The following NDUFV2 variants were observed in gnomAD, a reference collection of about 807,000 sequenced individuals.
NDUFV2 encodes the protein NADH:ubiquinone oxidoreductase core subunit V2.
Under a neutral mutation model 31.6 loss-of-function variants are expected in NDUFV2, and 18 were observed. The ratio of observed to expected loss-of-function variants is 0.57; its 90% CI spans 0.39 to 0.84. The LOEUF is 0.84. NDUFV2 is among the 40% of genes least tolerant of loss of function. The pLI is 0.00. For missense variants in NDUFV2, 314 were observed against 303.6 expected, an observed-to-expected ratio of 1.03 and a Z score of -0.26; for synonymous variants, 83 against 99.8, an observed-to-expected ratio of 0.83 and a Z score of 1.01.
intron 5 of NDUFV2, among the ~76,000 whole-genome samples, 160 bp downstream of exon 5, chr18:9,122,841 C>G (rs2077950355): frequency 6.6e-6 from 1 of 152,058 alleles, no homozygotes; most frequent in Admixed American, 6.5e-5. Context: ...TTATTTCTTC[C>G]TATTTGGTAT....
intron 5 of NDUFV2, among the ~76,000 whole-genome samples, chr18:9,123,822 T>G (rs1245288071): frequency 6.6e-6 from 1 of 152,224 alleles, no homozygotes; most frequent in Non-Finnish European, 1.5e-5. Flanking sequence ...ACAGTTACTT[T>G]GATGTACACA....
chr18:9,132,405 T>C (rs1853497950), intron 7 of NDUFV2: 1 of 152,198 alleles, frequency 6.6e-6, no homozygotes. Context: ...ACGTCTAAAA[T>C]GAAACTTTTA....
rs1173094323 is a variant in NDUFV2 at position 9,122,568 on chromosome 18, A to C, written c.356A>C (p.Tyr119Ser). 4 of 1,613,938 alleles carry C rather than the reference A, an allele frequency of 2.5e-6. No homozygotes were observed. The highest frequency in any genetic ancestry group is 3.4e-6 in the Non-Finnish European group (4 of 1,179,946). ...AGAGTATATGAAGTAGCAACTTTTT[A>C]TACAATGTATAATCGAAAGCCAGTT... ...PMRVYEVATF[Y>S]TMYNRKPVGK... The change falls in exon 5 of 8, where the codon TAT (tyrosine) becomes TCT (serine). Residue 119 changes from tyrosine (Y) to serine (S), a missense_variant. By Grantham distance (144) the Tyr-to-Ser change is moderately radical (BLOSUM62 -2). Transcript: ENST00000318388.
chr18:9,103,187 T>A (rs932825067), intron 1 of NDUFV2: 8 of 400,366 alleles, frequency 2.0e-5, no homozygotes, highest in Non-Finnish European at 1.3e-5. Context: ...TCGATGCTTT[T>A]AGGTTGCAGC....
intron 4 of NDUFV2, among the ~76,000 whole-genome samples, chr18:9,120,761 T>G (rs2077929324): frequency 6.6e-6 from 1 of 152,188 alleles, no homozygotes. Context: ...ATAAATTATG[T>G]ATTTCTTGGG....
intron 6 of NDUFV2, among the ~76,000 whole-genome samples, chr18:9,126,434 A>G (rs971206209): frequency 6.6e-6 from 1 of 152,234 alleles, no homozygotes; most frequent in Non-Finnish European, 1.5e-5. Context: ...AGTAAGTGAT[A>G]GAGCCAGAAC....
chr18:9,117,593 T>G (rs1053378949), intron 1 of NDUFV2: 17 of 449,510 alleles, frequency 3.8e-5, no homozygotes, highest in Non-Finnish European at 6.5e-5. Flanking sequence ...AGTCAGCAGA[T>G]CTGGGTTGTC....
At chr18:9,126,932 G>GT in intron 7 of NDUFV2, 25 bp downstream of exon 7, 1 of 1,562,472 alleles carries the variant, frequency 6.4e-7, no homozygotes, top group Non-Finnish European at 8.8e-7. Flanking sequence ...TATATAGGAA[G>GT]TTTTAGTGGC....
intron 1 of NDUFV2, chr18:9,104,195 A>G: frequency 2.5e-6 from 4 of 1,611,934 alleles, no homozygotes; most frequent in Admixed American, 1.7e-5. Context: ...AAAGATCGGT[A>G]TGTATGAGAA....
At chr18:9,125,091 G>T in intron 6 of NDUFV2, 108 bp downstream of exon 6, 4 of 1,190,054 alleles carry the variant, frequency 3.4e-6, no homozygotes, top group Non-Finnish European at 4.7e-6. Context: ...TACTCATTTA[G>T]AAGAAATGGT....
chr18:9,116,194 T>C (rs1327544324), intron 1 of NDUFV2, among the ~76,000 whole-genome samples: 1 of 152,184 alleles, frequency 6.6e-6, no homozygotes, highest in Admixed American at 6.5e-5. Flanking sequence ...AGTTAATGGA[T>C]GAGTTCTCAG....
At chr18:9,110,290 T>G (rs1417710174) in intron 1 of NDUFV2, among the ~76,000 whole-genome samples, 1 of 152,324 alleles carries the variant, frequency 6.6e-6, no homozygotes, top group East Asian at 1.9e-4. Flanking sequence ...ACTTTTAATG[T>G]TTTATTCCTT....
chr18:9,130,634 T>G (rs1208157746), intron 7 of NDUFV2, among the ~76,000 whole-genome samples: 1 of 152,132 alleles, frequency 6.6e-6, no homozygotes, highest in East Asian at 1.9e-4. Flanking sequence ...GAGACTGGGA[T>G]AGCAATAACC....
chr18:9,121,916 T>TG (rs1209769216), intron 4 of NDUFV2, among the ~76,000 whole-genome samples: 1 of 152,192 alleles, frequency 6.6e-6, no homozygotes, highest in Non-Finnish European at 1.5e-5. Flanking sequence ...AGTAGTGTGC[T>TG]GGATTCTGGG....
chr18:9,133,315 G>A (rs2078056806), intron 7 of NDUFV2: 1 of 152,368 alleles, frequency 6.6e-6, no homozygotes, highest in African/African-American at 2.4e-5. Context: ...GGGAATAGTG[G>A]TGGAGGGGTG....
At position 9,134,222 on chromosome 18, in the gene NDUFV2, T is replaced by C. The variant is rs1462247340; in HGVS notation, c.693T>C (p.Leu231=). 2 of 1,613,326 alleles carry C rather than the reference T, an allele frequency of 1.2e-6. No homozygotes were observed. The highest frequency in any genetic ancestry group is 2.7e-5 in the African/African-American group (2 of 74,940). ...TCTCTTGTGAGCCAGCTGGAGGTCTTACCTCTTTGACTGAACCACCCAAGG... is the reference window on the plus strand; with the variant it reads ...TCTCTTGTGAGCCAGCTGGAGGTCTCACCTCTTTGACTGAACCACCCAAGG... ...GRFSCEPAGG[L]TSLTEPPKGP... Residue 231 remains leucine (L), a synonymous_variant, in exon 8 of 8, where the codon CTT becomes CTC. Coordinates refer to ENST00000318388, the MANE Select transcript of NDUFV2 (RefSeq NM_021074.5).
rs563736832 is a variant in NDUFV2 at position 9,102,715 on chromosome 18, G to A, written c.-29G>A. On this transcript the variant is annotated 5_prime_UTR_variant, in exon 1 of 8. Transcript: ENST00000318388. ...GCGCTCGGGATTCTCGCCTGGCGCG[G>A]CTGGGGAAGGTGAACAGTGTGGCCC... 16 of 1,573,700 alleles carry A rather than the reference G, an allele frequency of 1.0e-5. No homozygotes were observed. The highest frequency in any genetic ancestry group is 4.1e-4 in the Middle Eastern group (2 of 4,890).
At chr18:9,115,178 A>G (rs567207027) in intron 1 of NDUFV2, among the ~76,000 whole-genome samples, 1 of 152,336 alleles carries the variant, frequency 6.6e-6, no homozygotes, top group African/African-American at 2.4e-5. Context: ...AGAGAAAAAT[A>G]TAAAAAATGT....
chr18:9,110,638 G>A (rs1232222963), intron 1 of NDUFV2, among the ~76,000 whole-genome samples: 1 of 152,118 alleles, frequency 6.6e-6, no homozygotes, highest in East Asian at 1.9e-4. Flanking sequence ...CTCTCAAGTG[G>A]CTGGGACTAC....
Sources: gnomAD v4.1 joint callset for allele counts (sites outside exome capture counted in the v4.1 genomes callset) on GRCh38, gnomAD v4.1.1 for gene constraint, MANE v1.5 for transcripts, NCBI Gene and HGNC (gene_info 2026-07-23, HGNC 2026-07-21) for gene names.